The following MYOM2 variants were observed in gnomAD, a reference collection of about 807,000 sequenced individuals.
MYOM2 encodes the protein myomesin 2, also known as myomesin-2.
In MYOM2, 254 loss-of-function variants were observed where a neutral mutation model predicts 187.6. The ratio of observed to expected loss-of-function variants is 1.35; its 90% CI spans 1.22 to 1.50. The LOEUF (loss-of-function observed/expected upper bound fraction) is 1.50, where lower values mean the gene tolerates loss of function less well. Among genes scored for constraint, MYOM2 ranks in the 40% most tolerant of loss-of-function variants. The pLI is 0.00. For synonymous variants in MYOM2, 981 were observed against 753.8 expected (o/e 1.30, Z -4.94); for missense variants, 2,796 against 1,924.0 (o/e 1.45, Z -8.48).
intron 13 of MYOM2, among the ~76,000 whole-genome samples, chr8:2,080,082 T>A (rs1189327932): frequency 6.6e-6 from 1 of 152,246 alleles, no homozygotes; most frequent in Non-Finnish European, 1.5e-5. Context: ...TATATTTGAT[T>A]TTGTGGATAT....
chr8:2,075,914 G>T (rs531767968), intron 10 of MYOM2, among the ~76,000 whole-genome samples: 1 of 152,314 alleles, frequency 6.6e-6, no homozygotes, highest in South Asian at 2.1e-4. Flanking sequence ...TAGACTCAGT[G>T]TTTTATCAAG....
chr8:2,134,376 A>C (rs1797990985), intron 32 of MYOM2, among the ~76,000 whole-genome samples: 1 of 152,214 alleles, frequency 6.6e-6, no homozygotes, highest in Non-Finnish European at 1.5e-5. Context: ...TAGCTGGAAT[A>C]CAACAAAAGC....
At chr8:2,109,578 T>A in intron 25 of MYOM2, 47 bp downstream of exon 25, 7 of 1,570,394 alleles carry the variant, frequency 4.5e-6, no homozygotes, top group Non-Finnish European at 6.0e-6. Context: ...GAGTCCACTT[T>A]TGTTGTGGTA....
At chr8:2,049,664 G>C (rs1417395944) in intron 1 of MYOM2, among the ~76,000 whole-genome samples, 2 of 152,158 alleles carry the variant, frequency 1.3e-5, no homozygotes, top group Non-Finnish European at 2.9e-5. Flanking sequence ...AAACAGAAAA[G>C]TAAAAAATGG....
chr8:2,097,240 G>A (rs944609096), intron 18 of MYOM2: 2 of 384,828 alleles, frequency 5.2e-6, no homozygotes, highest in African/African-American at 2.2e-5. Flanking sequence ...ATACACATAT[G>A]ATGATATATA....
intron 28 of MYOM2, among the ~76,000 whole-genome samples, chr8:2,121,708 C>A (rs1477366014): frequency 7.1e-6 from 1 of 140,016 alleles, no homozygotes; most frequent in Non-Finnish European, 1.6e-5. Context: ...CAGAGAAAAC[C>A]ATTTTTAAAA....
intron 24 of MYOM2, 116 bp downstream of exon 24, chr8:2,108,946 G>C (rs1796980557): frequency 7.0e-6 from 7 of 1,000,290 alleles, no homozygotes; most frequent in Non-Finnish European, 1.1e-5. Context: ...CTGATTTCCT[G>C]ATCCCAGCTT....
At chr8:2,074,497 C>A (rs557783242) in intron 10 of MYOM2, among the ~76,000 whole-genome samples, 415 of 152,204 alleles carry the variant, frequency 2.7e-3, no homozygotes, top group Non-Finnish European at 5.0e-3. Context: ...CTCTGTCGCC[C>A]AGGCTGGAGT....
At chr8:2,092,613 C>G (rs139985396) in intron 16 of MYOM2, 93 bp downstream of exon 16, 1 of 1,341,020 alleles carries the variant, frequency 7.5e-7, no homozygotes, top group African/African-American at 1.5e-5. Flanking sequence ...GTACCATGGC[C>G]GCAAGGCTTC....
chr8:2,109,375 G>A lies in MYOM2; in HGVS notation c.3044-20G>A, dbSNP rs779995574. ...AAGGATTCATGCATTATTGACTTGC[G>A]ATTTCTTTTCTTCCTGTAGCAATTC... On this transcript the variant is annotated intron_variant, in intron 24 of 36. Transcript: ENST00000262113. The A allele has an allele frequency of 1.5e-5, 23 of 1,585,592 alleles. No individual in the cohort carries two copies. Among genetic ancestry groups the A allele is most frequent in the East Asian group, 4.6e-5 (2 of 43,604 alleles).
chr8:2,119,882 C>T (rs572113755), intron 28 of MYOM2, among the ~76,000 whole-genome samples: 22 of 151,170 alleles, frequency 1.5e-4, no homozygotes, highest in East Asian at 2.0e-4. Flanking sequence ...AATGAGGGGG[C>T]GGGGGGGATG....
chr8:2,120,680 T>TATATA, intron 28 of MYOM2, among the ~76,000 whole-genome samples: 4,447 of 47,936 alleles, frequency 0.093, 680 homozygotes, highest in East Asian at 0.14. Flanking sequence ...ATATATTATA[T>TATATA]TATATATAAA....
chr8:2,123,531 A>C (rs755977817), intron 29 of MYOM2, 24 bp from the exon 30 acceptor site: 1 of 1,599,698 alleles, frequency 6.3e-7, no homozygotes, highest in South Asian at 1.1e-5. Context: ...CTTTACATAA[A>C]TATGGAATGT....
chr8:2,092,363 G>T lies in MYOM2; in HGVS notation c.1846G>T (p.Gly616Cys). The change falls in exon 16 of 37, where the codon GGT becomes TGT. Residue 616 changes from glycine (G) to cysteine (C), a missense_variant. Coordinates refer to ENST00000262113, the MANE Select transcript of MYOM2 (RefSeq NM_003970.4). ...QDVTVVPSAP[G>C]RVLASRNTKT... ...ACGAAAAGTTGTCCCTTCTGCTCCG[G>T]GTCGGGTTCTTGCTTCCCGAAACAC... 1 of 1,614,028 alleles carries T rather than the reference G, an allele frequency of 6.2e-7. No individual in the cohort carries two copies. The highest frequency in any genetic ancestry group is 8.5e-7 in the Non-Finnish European group (1 of 1,179,980).
In MYOM2 at chr8:2,084,140, T is replaced by C. The variant is rs547541442; in HGVS notation, c.1517-1123T>C. Among the ~76,000 whole-genome samples, 12 of 152,350 alleles carry C rather than the reference T, an allele frequency of 7.9e-5. No homozygotes were observed. In the East Asian group the frequency reaches 2.1e-3, roughly 27 times the overall value. ...TGCATCTTCTCTCTGGAATGCTTTTTTCTGTGGGTATCTAGGTGTGGACAC... is the reference window on the plus strand; with the variant it reads ...TGCATCTTCTCTCTGGAATGCTTTTCTCTGTGGGTATCTAGGTGTGGACAC... On this transcript the variant is annotated intron_variant, in intron 13 of 36. Transcript: ENST00000262113.
intron 3 of MYOM2, among the ~76,000 whole-genome samples, chr8:2,054,077 C>G (rs1818579067): frequency 2.6e-5 from 4 of 152,166 alleles, no homozygotes; most frequent in Admixed American, 2.6e-4. Context: ...GATTCCAGCC[C>G]TTATTAGAAT....
intron 32 of MYOM2, among the ~76,000 whole-genome samples, chr8:2,133,287 G>A (rs972614503): frequency 1.3e-5 from 2 of 152,150 alleles, no homozygotes; most frequent in African/African-American, 4.8e-5. Flanking sequence ...TAGCTTTTGG[G>A]AATTTCTCCC....
intron 32 of MYOM2, among the ~76,000 whole-genome samples, chr8:2,133,736 C>G (rs1797956841): frequency 6.6e-6 from 1 of 152,042 alleles, no homozygotes; most frequent in Non-Finnish European, 1.5e-5. Context: ...GCTGGGATTA[C>G]AGGTGTGAGC....
At chr8:2,059,526 A>C (rs1818782434) in intron 6 of MYOM2, among the ~76,000 whole-genome samples, 1 of 152,174 alleles carries the variant, frequency 6.6e-6, no homozygotes, top group Non-Finnish European at 1.5e-5. Flanking sequence ...ATGCAGTGCA[A>C]GAAGCTTTCA....
Sources: gnomAD v4.1 joint callset for allele counts (sites outside exome capture counted in the v4.1 genomes callset) on GRCh38, gnomAD v4.1.1 for gene constraint, MANE v1.5 for transcripts, NCBI Gene and HGNC (gene_info 2026-07-23, HGNC 2026-07-21) for gene names.